Variants in SNTG1 observed in about 807,000 individuals in gnomAD.
The protein encoded by SNTG1 is gamma-1-syntrophin.
In SNTG1, 39 loss-of-function variants were observed where a neutral mutation model predicts 74.7. That is an observed-to-expected ratio of 0.52 (90% CI 0.40 to 0.68). The LOEUF is 0.68. SNTG1 is among the 30% of genes least tolerant of loss of function. The pLI is 0.00. For synonymous variants in SNTG1, 254 were observed against 217.1 expected (o/e 1.17, Z -1.49); for missense variants, 685 against 609.5 (o/e 1.12, Z -1.30).
At chr8:49,971,092 C>T (rs960546568) in intron 1 of SNTG1, among the ~76,000 whole-genome samples, 2 of 152,126 alleles carry the variant, frequency 1.3e-5, no homozygotes, top group Admixed American at 6.6e-5. Flanking sequence ...ACCAATATCC[C>T]TGATGAACAT....
intron 1 of SNTG1, among the ~76,000 whole-genome samples, chr8:50,021,480 T>C (rs1816806653): frequency 6.6e-6 from 1 of 152,188 alleles, no homozygotes; most frequent in South Asian, 2.1e-4. Context: ...GATGAATTCA[T>C]TTCTCCCATG....
chr8:50,232,515 C>T (rs1426687618), intron 2 of SNTG1, among the ~76,000 whole-genome samples: 2 of 151,346 alleles, frequency 1.3e-5, no homozygotes, highest in African/African-American at 4.8e-5. Context: ...AATCTTTACC[C>T]TTGAGTTTAG....
chr8:50,590,977 A>T (rs1263140306), intron 13 of SNTG1, 60 bp downstream of exon 13: 10 of 1,223,960 alleles, frequency 8.2e-6, no homozygotes, highest in Non-Finnish European at 9.0e-6. Flanking sequence ...TATTGATTAT[A>T]GAAGATAACG....
intron 3 of SNTG1, among the ~76,000 whole-genome samples, chr8:50,400,920 T>C (rs138164788): frequency 1.3e-5 from 2 of 152,284 alleles, no homozygotes; most frequent in African/African-American, 2.4e-5. Context: ...TAATGCATTA[T>C]ATGTCACAAA....
intron 2 of SNTG1, among the ~76,000 whole-genome samples, chr8:50,317,976 A>G (rs1370188160): frequency 6.6e-6 from 1 of 152,096 alleles, no homozygotes; most frequent in Non-Finnish European, 1.5e-5. Flanking sequence ...AGCTGGGACT[A>G]CAGGCGCTCG....
At chr8:49,988,507 C>T (rs1049538605) in intron 1 of SNTG1, among the ~76,000 whole-genome samples, 1 of 152,024 alleles carries the variant, frequency 6.6e-6, no homozygotes, top group African/African-American at 2.4e-5. Context: ...AGTTAAAAAG[C>T]ACAATCAATA....
chr8:50,299,610 AT>A (rs2089552840), intron 2 of SNTG1, among the ~76,000 whole-genome samples: 2 of 152,190 alleles, frequency 1.3e-5, no homozygotes, highest in Non-Finnish European at 2.9e-5. Flanking sequence ...GATCAAATTA[AT>A]TATAATAGTG....
At chr8:50,324,199 C>A (rs1304997917) in intron 2 of SNTG1, among the ~76,000 whole-genome samples, 1 of 152,182 alleles carries the variant, frequency 6.6e-6, no homozygotes, top group Non-Finnish European at 1.5e-5. Context: ...CCTCCTTGTG[C>A]CGGCCCTGGC....
intron 6 of SNTG1, 48 bp from the exon 7 acceptor site, chr8:50,450,508 A>C: frequency 1.9e-6 from 3 of 1,595,032 alleles, no homozygotes. Flanking sequence ...TTTCATCTGC[A>C]TAACAAAAAC....
At chr8:50,732,711 G>C (rs1334085543) in intron 17 of SNTG1, among the ~76,000 whole-genome samples, 1 of 151,410 alleles carries the variant, frequency 6.6e-6, no homozygotes, top group African/African-American at 2.4e-5. Flanking sequence ...CATCAACAAT[G>C]TTATGTAAAT....
chr8:50,150,680 A>C (rs1019950036), intron 1 of SNTG1, among the ~76,000 whole-genome samples: 1 of 152,178 alleles, frequency 6.6e-6, no homozygotes, highest in African/African-American at 2.4e-5. Context: ...GGTTCTGTTT[A>C]TATGATGGAT....
At chr8:50,773,260 G>A (rs12114158) in intron 18 of SNTG1, among the ~76,000 whole-genome samples, 14,012 of 152,040 alleles carry the variant, frequency 0.092, 1,900 homozygotes, top group African/African-American at 0.3. Flanking sequence ...TAAGATCTGA[G>A]GAATGAGGTT....
intron 16 of SNTG1, among the ~76,000 whole-genome samples, chr8:50,705,252 T>TGG: frequency 6.6e-6 from 1 of 152,240 alleles, no homozygotes; most frequent in Non-Finnish European, 1.5e-5. Context: ...TGCTTGCCAA[T>TGG]ACTCCTTCTA....
At chr8:50,683,855 G>A (rs1372064684) in intron 15 of SNTG1, among the ~76,000 whole-genome samples, 2 of 152,148 alleles carry the variant, frequency 1.3e-5, no homozygotes, top group Non-Finnish European at 2.9e-5. Flanking sequence ...AAGCTGAAAG[G>A]TGATTTCATA....
Position 50,219,420 on chromosome 8 carries a change from C to T in SNTG1, c.-28+46785C>T, listed in dbSNP as rs11994485. 8.1e-3 allele frequency among the ~76,000 whole-genome samples: 1,227 copies of T among 152,200 alleles called. 18 individuals are homozygous for T. The highest frequency in any genetic ancestry group is 0.028 in the African/African-American group (1,181 of 41,542). ...AGCAAATTTTAGAAGAAACAATAAA[C>T]ACCAGTGTTTTTGTCTGTTCTCATA... On this transcript the variant is annotated intron_variant, in intron 2 of 18. Transcript: ENST00000642720.
intron 15 of SNTG1, among the ~76,000 whole-genome samples, chr8:50,675,203 C>A (rs2095304480): frequency 6.6e-6 from 1 of 152,078 alleles, no homozygotes; most frequent in Admixed American, 6.6e-5. Context: ...GAGCTGAGTT[C>A]AAGTCCTGAA....
rs535547163 is a variant in SNTG1, at chr8:50,398,789, G to T, written c.28-3421G>T. Among the ~76,000 whole-genome samples, 7 of 152,168 alleles carry T rather than the reference G, an allele frequency of 4.6e-5. No individual in the cohort carries two copies. In the South Asian group the frequency reaches 1.2e-3, roughly 27 times the overall value. On this transcript the variant is annotated intron_variant, in intron 3 of 18. Coordinates refer to ENST00000642720, the MANE Select transcript of SNTG1 (RefSeq NM_018967.5). ...TACTAAAAATACAAAAAATTAGCTG[G>T]GTGTCATGGCAGGCACCTGTAATCC...
At chr8:50,242,617 A>G (rs777480854) in intron 2 of SNTG1, among the ~76,000 whole-genome samples, 1 of 151,486 alleles carries the variant, frequency 6.6e-6, no homozygotes, top group Non-Finnish European at 1.5e-5. Context: ...GAAGCCCCCA[A>G]ATATGTACAC....
intron 8 of SNTG1, among the ~76,000 whole-genome samples, chr8:50,470,660 G>A (rs923346248): frequency 2.6e-5 from 4 of 152,242 alleles, no homozygotes; most frequent in Admixed American, 2.6e-4. Flanking sequence ...GTCCGGAGTT[G>A]TTCATTCATC....
Sources: gnomAD v4.1 joint callset for allele counts (sites outside exome capture counted in the v4.1 genomes callset) on GRCh38, gnomAD v4.1.1 for gene constraint, MANE v1.5 for transcripts, NCBI Gene and HGNC (gene_info 2026-07-23, HGNC 2026-07-21) for gene names.